Variants in KIF1B observed in about 807,000 individuals in gnomAD.
KIF1B encodes the protein kinesin family member 1B, also known as kinesin-like protein KIF1B.
In KIF1B, 76 loss-of-function variants were observed where a neutral mutation model predicts 241.9. The observed-to-expected ratio is 0.31, with a 90% CI of 0.26 to 0.38. The LOEUF (loss-of-function observed/expected upper bound fraction) is 0.38, where lower values mean the gene tolerates loss of function less well. KIF1B is among the 10% of genes least tolerant of loss of function. The pLI, the probability that KIF1B is intolerant of heterozygous loss-of-function variation, is 1.00. For missense variants in KIF1B, 1,622 were observed against 2,271.4 expected, an observed-to-expected ratio of 0.71 and a Z score of 5.81; for synonymous variants, 750 against 796.7, an observed-to-expected ratio of 0.94 and a Z score of 0.99.
chr1:10,342,265 A>G (rs1652425086), intron 33 of KIF1B, 97 bp downstream of exon 33: 2 of 832,350 alleles, frequency 2.4e-6, no homozygotes, highest in Non-Finnish European at 4.3e-6. Context: ...GATTAAGATA[A>G]CTAAATAAGT....
intron 15 of KIF1B, among the ~76,000 whole-genome samples, chr1:10,285,841 T>C (rs1007228460): frequency 1.3e-5 from 2 of 152,210 alleles, no homozygotes; most frequent in South Asian, 2.1e-4. Context: ...GGCATGGTGC[T>C]GCAGGAGAAA....
intron 43 of KIF1B, 110 bp from the exon 44 acceptor site, chr1:10,368,357 G>GCC (rs1196543893): frequency 1.2e-6 from 1 of 824,676 alleles, no homozygotes; most frequent in African/African-American, 1.7e-5. Context: ...GAGCTTCCAT[G>GCC]CCCTCCCCGG....
At chr1:10,344,284 C>A (rs115680284) in intron 34 of KIF1B, among the ~76,000 whole-genome samples, 4 of 152,128 alleles carry the variant, frequency 2.6e-5, no homozygotes. Flanking sequence ...GGTACCCAAA[C>A]GAGATGGTTA....
intron 5 of KIF1B, 116 bp from the exon 6 acceptor site, chr1:10,267,264 G>A: frequency 1.3e-6 from 1 of 798,084 alleles, no homozygotes; most frequent in Non-Finnish European, 2.2e-6. Context: ...GTGATCTCAA[G>A]TGATCCGCCC....
intron 5 of KIF1B, 69 bp downstream of exon 5, chr1:10,262,039 T>C (rs1648179638): frequency 2.9e-6 from 3 of 1,036,082 alleles, no homozygotes; most frequent in South Asian, 1.3e-5. Flanking sequence ...CTTAAATGGC[T>C]CCAAATTATG....
intron 24 of KIF1B, among the ~76,000 whole-genome samples, 164 bp from the exon 25 acceptor site, chr1:10,323,720 C>T (rs1237562636): frequency 2.6e-5 from 4 of 152,168 alleles, no homozygotes; most frequent in African/African-American, 9.7e-5. Flanking sequence ...TAGGGTTATT[C>T]CCTATGACTG....
At chr1:10,226,465 CCTTT>C (rs1473474954) in intron 1 of KIF1B, among the ~76,000 whole-genome samples, 2 of 152,110 alleles carry the variant, frequency 1.3e-5, no homozygotes, top group East Asian at 3.8e-4. Flanking sequence ...GAGGTTTCAG[CCTTT>C]CTTGTCTTGT....
chr1:10,285,191 T>G (rs1004271083), intron 15 of KIF1B, among the ~76,000 whole-genome samples: 2 of 152,236 alleles, frequency 1.3e-5, no homozygotes, highest in Non-Finnish European at 2.9e-5. Flanking sequence ...TCCCACTTAC[T>G]GAGTCCTTAA....
In KIF1B at chr1:10,365,298, A is replaced by G. The variant is rs1638537568; in HGVS notation, c.4512+53A>G. On this transcript the variant is annotated intron_variant, in intron 42 of 48. Transcript: ENST00000676179. The surrounding 1 kb of genome is among the most constrained non-coding windows in gnomAD (Gnocchi z 4.0). ...CAAGAACTCTCGGACAAGATTGCCA[A>G]AGTATCAGTCTTCCTCCCCGCTGCT... 2 of 1,613,332 alleles carry G rather than the reference A, an allele frequency of 1.2e-6. No individual in the cohort carries two copies. Among genetic ancestry groups the G allele is most frequent in the South Asian group, 2.2e-5 (2 of 91,006 alleles).
In KIF1B at chr1:10,303,007, G is replaced by T. The variant is rs961805839; in HGVS notation, c.2115+5761G>T. Among the ~76,000 whole-genome samples the T allele has an allele frequency of 7.3e-5, 11 of 151,460 alleles. No homozygotes were observed. Among genetic ancestry groups the T allele is most frequent in the African/African-American group, 1.5e-4 (6 of 41,206 alleles). On this transcript the variant is annotated intron_variant, in intron 22 of 48. Transcript: ENST00000676179. The surrounding 1 kb of genome is among the most constrained non-coding windows in gnomAD (Gnocchi z 5.2). ...TAATAGACTTCCACATTATTGAGGG[G>T]TTTTTTTTGGTTTTGTTTTGTTTTT... is the stretch of plus-strand genomic sequence containing the variant.
chr1:10,264,531 T>C (rs74678429), intron 5 of KIF1B, among the ~76,000 whole-genome samples: 2 of 152,252 alleles, frequency 1.3e-5, no homozygotes, highest in Non-Finnish European at 1.5e-5. Context: ...GATTCAGTAT[T>C]GTATGTACAA....
At chr1:10,356,428 C>T (rs772745255) in intron 38 of KIF1B, among the ~76,000 whole-genome samples, 4 of 151,812 alleles carry the variant, frequency 2.6e-5, no homozygotes, top group Non-Finnish European at 5.9e-5. Context: ...TGATTTTATC[C>T]CTCAATTTGG....
intron 14 of KIF1B, among the ~76,000 whole-genome samples, chr1:10,280,441 A>G (rs4846211): frequency 0.53 from 79,698 of 151,690 alleles, 21,493 homozygotes; most frequent in African/African-American, 0.65. Flanking sequence ...TCATCATGTT[A>G]GCCAGGATGG....
chr1:10,360,377 A>C (rs1441210585), intron 38 of KIF1B, among the ~76,000 whole-genome samples: 1 of 152,054 alleles, frequency 6.6e-6, no homozygotes, highest in Non-Finnish European at 1.5e-5. Context: ...CAGGCTTGTC[A>C]AAACAAAATT....
In KIF1B at chr1:10,273,046, G is replaced by A; in HGVS notation, c.882+15G>A. 1 of 1,536,434 alleles carries A rather than the reference G, an allele frequency of 6.5e-7. No individual in the cohort carries two copies. The highest frequency in any genetic ancestry group is 8.8e-7 in the Non-Finnish European group (1 of 1,135,424). ...GCACTAGCAAGGTACAGTGGGGATT[G>A]GTAGAGATAAACTAGAATTGACTTT... On this transcript the variant is annotated intron_variant, in intron 10 of 48. Coordinates refer to ENST00000676179, the MANE Select transcript of KIF1B (RefSeq NM_001365951.3).
At chr1:10,234,629 C>G (rs1177845093) in intron 2 of KIF1B, among the ~76,000 whole-genome samples, 1 of 151,894 alleles carries the variant, frequency 6.6e-6, no homozygotes, top group East Asian at 1.9e-4. Flanking sequence ...TCAATCAATC[C>G]TCCTGTCTCA....
intron 1 of KIF1B, among the ~76,000 whole-genome samples, chr1:10,230,446 T>C (rs1646966004): frequency 6.6e-6 from 1 of 151,768 alleles, no homozygotes; most frequent in South Asian, 2.1e-4. Context: ...TTCTTTCTTT[T>C]TTTTTTTGAG....
chr1:10,277,924 G>A, intron 12 of KIF1B, 62 bp from the exon 13 acceptor site: 1 of 1,415,492 alleles, frequency 7.1e-7, no homozygotes, highest in Admixed American at 1.8e-5. Flanking sequence ...ATAATAGTAT[G>A]TTACTTATGA....
chr1:10,239,350 A>G lies in KIF1B; in HGVS notation c.106+6916A>G, dbSNP rs566474178. 2.6e-5 allele frequency among the ~76,000 whole-genome samples: 4 copies of G among 152,188 alleles called. No individual in the cohort carries two copies. The East Asian group carries it at 5.8e-4, about 22-fold the overall frequency. ...TAAGATTTTTATGTAATTGGATTAT[A>G]TGTACTGTTTTTTGGTTTGCTTTTT... On this transcript the variant is annotated intron_variant, in intron 2 of 48. Transcript: ENST00000676179.
Sources: allele counts gnomAD v4.1 joint callset (sites outside exome capture counted in the v4.1 genomes callset), GRCh38; gene constraint gnomAD v4.1.1; non-coding constraint Gnocchi (gnomAD v3.1); transcripts MANE v1.5; gene names NCBI Gene and HGNC (gene_info 2026-07-23, HGNC 2026-07-21).